Variants in KPNA4 observed in about 807,000 individuals in gnomAD.
KPNA4 encodes the protein karyopherin subunit alpha 4, also known as importin subunit alpha-3.
A neutral mutation model predicts 71.3 loss-of-function variants in KPNA4; 13 were observed. That is an observed-to-expected ratio of 0.18 (90% CI 0.12 to 0.29). KPNA4 has a LOEUF of 0.29. KPNA4 is among the 10% of genes least tolerant of loss of function. KPNA4 has a pLI of 1.00. For synonymous variants in KPNA4, 189 were observed against 195.2 expected (o/e 0.97, Z 0.26); for missense variants, 334 against 603.2 (o/e 0.55, Z 4.67).
chr3:160,559,413 T>C (rs948781099), intron 1 of KPNA4, among the ~76,000 whole-genome samples: 11 of 152,208 alleles, frequency 7.2e-5, no homozygotes, highest in African/African-American at 2.2e-4. Context: ...GAATTTTTTA[T>C]TGAATAAAAT....
chr3:160,509,228 A>C (rs1721045312), intron 14 of KPNA4, among the ~76,000 whole-genome samples: 1 of 152,132 alleles, frequency 6.6e-6, no homozygotes, highest in African/African-American at 2.4e-5. Flanking sequence ...CTAGTTCCTA[A>C]GTCCTAGCCA....
intron 1 of KPNA4, among the ~76,000 whole-genome samples, chr3:160,545,885 T>C (rs75070922): frequency 0.01 from 1,574 of 152,258 alleles, 26 homozygotes; most frequent in Admixed American, 0.013. Context: ...GAGGAAACAA[T>C]GATTTTACGG....
intron 2 of KPNA4, 127 bp downstream of exon 2, chr3:160,536,669 T>C: frequency 2.1e-6 from 1 of 485,818 alleles, no homozygotes; most frequent in Non-Finnish European, 3.6e-6. Context: ...ATTTAGTAAA[T>C]AAAATTTAGT....
At chr3:160,547,435 T>C (rs1380156881) in intron 1 of KPNA4, among the ~76,000 whole-genome samples, 1 of 152,178 alleles carries the variant, frequency 6.6e-6, no homozygotes, top group Non-Finnish European at 1.5e-5. Context: ...TCAAGCAGTT[T>C]TAGGTTTACA....
chr3:160,526,752 T>C (rs899302951), intron 8 of KPNA4, among the ~76,000 whole-genome samples: 3 of 152,244 alleles, frequency 2.0e-5, no homozygotes, highest in African/African-American at 4.8e-5. Flanking sequence ...GTTGAAATGT[T>C]ACCATAAGTG....
intron 16 of KPNA4, among the ~76,000 whole-genome samples, chr3:160,504,481 G>A (rs1236648766): frequency 6.6e-6 from 1 of 152,038 alleles, no homozygotes; most frequent in Non-Finnish European, 1.5e-5. Flanking sequence ...AGATATTTTT[G>A]TATACTATAC....
At position 160,509,811 on chromosome 3, in the gene KPNA4, T is replaced by C. The variant is rs1484387425; in HGVS notation, c.1198A>G (p.Arg400Gly). The change falls in exon 14 of 17, where the codon AGG becomes GGG. Residue 400 changes from arginine (R) to glycine (G), a missense_variant. Arg to Gly is a moderately radical substitution (Grantham distance 125). Coordinates refer to ENST00000334256, the MANE Select transcript of KPNA4 (RefSeq NM_002268.5). Reference sequence around the variant, plus strand: ...AAAGCTCAACTTACTTGATCTTTCCTTCCACTAATTGTTAAGTTACTTATG... The same window carrying C: ...AAAGCTCAACTTACTTGATCTTTCCCTCCACTAATTGTTAAGTTACTTATG... ...WAISNLTISG[R>G]KDQVAYLIQQ... The C allele has an allele frequency of 1.2e-6, 2 of 1,605,486 alleles. No individual in the cohort carries two copies. Among genetic ancestry groups the C allele is most frequent in the Non-Finnish European group, 8.5e-7 (1 of 1,172,618 alleles).
intron 1 of KPNA4, among the ~76,000 whole-genome samples, chr3:160,538,375 T>C (rs985673693): frequency 1.3e-5 from 2 of 152,102 alleles, no homozygotes; most frequent in African/African-American, 2.4e-5. Flanking sequence ...TTTTTATTGG[T>C]GGTAACAGTC....
At position 160,500,388 on chromosome 3, in the gene KPNA4, T is replaced by G. The variant is rs561587097; in HGVS notation, c.*1716A>C. 3 of 152,746 alleles carry G rather than the reference T, an allele frequency of 2.0e-5. No homozygotes were observed. The East Asian group carries it at 5.8e-4, about 29-fold the overall frequency. 9.5% of individuals were successfully genotyped at this position (152,746 alleles called of 1,614,324 possible). A position where few individuals can be genotyped will look rare whatever the true frequency, so the allele number is the denominator to read the frequency against. On this transcript the variant is annotated 3_prime_UTR_variant, in exon 17 of 17. Coordinates refer to ENST00000334256, the MANE Select transcript of KPNA4 (RefSeq NM_002268.5). ...ACAGTGTTTCAGAATTACCAGTTGA[T>G]TTTTAAACACAAAGTAGATATAGAT...
intron 1 of KPNA4, among the ~76,000 whole-genome samples, chr3:160,551,946 G>GT (rs1722048950): frequency 7.0e-6 from 1 of 143,400 alleles, no homozygotes; most frequent in Non-Finnish European, 1.6e-5. Context: ...AACTGGGGGG[G>GT]GGGGGGTGAT....
rs542127163 is a variant in KPNA4, at chr3:160,554,515, T to C, written c.69+10699A>G. ...CATACAACTTCTAAAATCCTTAAAA[T>C]CTATGCAGTGATGAGTGTCTTTTGA... On this transcript the variant is annotated intron_variant, in intron 1 of 16. Transcript: ENST00000334256. Among the ~76,000 whole-genome samples the C allele has an allele frequency of 4.6e-5, 7 of 152,278 alleles. No individual in the cohort carries two copies. In the East Asian group the frequency reaches 9.6e-4, roughly 21 times the overall value.
Position 160,543,316 on chromosome 3 carries a change from T to C in KPNA4, c.70-6476A>G, listed in dbSNP as rs140829094. 5.9e-5 allele frequency among the ~76,000 whole-genome samples: 9 copies of C among 152,234 alleles called. No homozygotes were observed. The South Asian group carries it at 1.0e-3, about 18-fold the overall frequency. The stretch of plus-strand genomic sequence containing the variant: ...TTGTAAAGAGAATTCAATGGATCTC[T>C]GAGATCTTTTATGCCTCAAAAACTG... On this transcript the variant is annotated intron_variant, in intron 1 of 16. Coordinates refer to ENST00000334256, the MANE Select transcript of KPNA4 (RefSeq NM_002268.5).
chr3:160,546,289 G>T (rs567207040), intron 1 of KPNA4, among the ~76,000 whole-genome samples: 1 of 152,132 alleles, frequency 6.6e-6, no homozygotes, highest in Non-Finnish European at 1.5e-5. Context: ...AGGCTAAGGC[G>T]GGTGGATCAC....
intron 13 of KPNA4, among the ~76,000 whole-genome samples, chr3:160,511,161 A>G (rs1721084744): frequency 6.6e-6 from 1 of 151,560 alleles, no homozygotes; most frequent in South Asian, 2.1e-4. Context: ...GCTGGAGTGC[A>G]GTGGCGCAAT....
chr3:160,507,956 C>T, intron 15 of KPNA4, 151 bp downstream of exon 15: 1 of 541,542 alleles, frequency 1.8e-6, no homozygotes, highest in Non-Finnish European at 3.1e-6. Flanking sequence ...AGAGGCTGAG[C>T]AGGACTGCAC....
chr3:160,549,862 A>G (rs1487365387), intron 1 of KPNA4, among the ~76,000 whole-genome samples: 1 of 152,268 alleles, frequency 6.6e-6, no homozygotes, highest in African/African-American at 2.4e-5. Context: ...TGGACATTTT[A>G]ACAATATTAA....
chr3:160,540,844 A>G (rs1333969843), intron 1 of KPNA4, among the ~76,000 whole-genome samples: 1 of 152,204 alleles, frequency 6.6e-6, no homozygotes, highest in African/African-American at 2.4e-5. Flanking sequence ...TGTTGCTGCT[A>G]TTTCCTCAAA....
intron 1 of KPNA4, among the ~76,000 whole-genome samples, chr3:160,544,542 T>G (rs1338796522): frequency 6.6e-6 from 1 of 152,166 alleles, no homozygotes; most frequent in Non-Finnish European, 1.5e-5. Flanking sequence ...CCAGCATGGG[T>G]GACAGAGAGA....
chr3:160,546,318 G>C (rs1721906234), intron 1 of KPNA4, among the ~76,000 whole-genome samples: 1 of 152,174 alleles, frequency 6.6e-6, no homozygotes, highest in Non-Finnish European at 1.5e-5. Context: ...AGGAGTTCAA[G>C]ACCAGCCTGG....
Sources: allele counts gnomAD v4.1 joint callset (sites outside exome capture counted in the v4.1 genomes callset), GRCh38; gene constraint gnomAD v4.1.1; transcripts MANE v1.5; gene names NCBI Gene and HGNC (gene_info 2026-07-23, HGNC 2026-07-21).